The following NUDT6 variants were observed in gnomAD, a reference collection of about 807,000 sequenced individuals.
NUDT6 encodes nudix hydrolase 6.
A neutral mutation model predicts 36.8 loss-of-function variants in NUDT6; 24 were observed. That is an observed-to-expected ratio of 0.65 (90% CI 0.47 to 0.92). NUDT6 has a LOEUF of 0.92. NUDT6 is among the 40% of genes least tolerant of loss of function. The pLI, the probability that NUDT6 is intolerant of heterozygous loss-of-function variation, is 0.00. For synonymous variants in NUDT6, 163 were observed against 157.0 expected (o/e 1.04, Z -0.29); for missense variants, 388 against 392.8 (o/e 0.99, Z 0.10).
chr4:122,912,407 T>C (rs1727749141), intron 3 of NUDT6, among the ~76,000 whole-genome samples, 161 bp downstream of exon 3: 1 of 152,180 alleles, frequency 6.6e-6, no homozygotes, highest in Non-Finnish European at 1.5e-5. Context: ...GTATAAGTAG[T>C]TTGGTTTAAA....
intron 1 of NUDT6, chr4:122,922,079 T>C (rs762424716): frequency 2.5e-6 from 1 of 400,032 alleles, no homozygotes; most frequent in Non-Finnish European, 4.4e-6. Context: ...TGTCGCACAG[T>C]AGAAAGTGGA....
intron 2 of NUDT6, among the ~76,000 whole-genome samples, chr4:122,914,725 C>T (rs559889020): frequency 1.3e-5 from 2 of 152,200 alleles, no homozygotes; most frequent in South Asian, 4.2e-4. Flanking sequence ...ACTGAAACTT[C>T]TCTCTCAGAA....
At chr4:122,897,356 A>G (rs1476217) in intron 4 of NUDT6, 7 of 407,750 alleles carry the variant, frequency 1.7e-5, no homozygotes, top group Non-Finnish European at 2.6e-5. Flanking sequence ...AAAGCTTCTC[A>G]TTTTCAGACA....
intron 3 of NUDT6, among the ~76,000 whole-genome samples, chr4:122,905,504 T>G (rs1481027029): frequency 1.3e-5 from 2 of 152,228 alleles, no homozygotes; most frequent in Admixed American, 6.5e-5. Context: ...TGTGTATACA[T>G]GTTACACAGA....
chr4:122,894,698 A>T (rs1727297476), intron 4 of NUDT6: 1 of 152,258 alleles, frequency 6.6e-6, no homozygotes, highest in Non-Finnish European at 1.5e-5. Flanking sequence ...AATTGTATAA[A>T]ATATCCCCTA....
chr4:122,902,518 C>T (rs536402667), intron 3 of NUDT6, among the ~76,000 whole-genome samples: 5 of 152,238 alleles, frequency 3.3e-5, no homozygotes, highest in African/African-American at 1.2e-4. Context: ...AACACATCTC[C>T]ACCTTATATA....
intron 3 of NUDT6, among the ~76,000 whole-genome samples, chr4:122,907,408 T>C (rs535800117): frequency 6.6e-6 from 1 of 151,494 alleles, no homozygotes; most frequent in Non-Finnish European, 1.5e-5. Context: ...GTGCTGAGAT[T>C]ACAGGCACCA....
Position 122,912,576 on chromosome 4 carries a change from G to T in NUDT6, c.490C>A (p.Arg164=). The change falls in exon 3 of 5, where the codon CGA becomes AGA. Residue 164 remains arginine (R), a synonymous_variant. Coordinates refer to ENST00000304430, the MANE Select transcript of NUDT6 (RefSeq NM_007083.5). ...AAACAGAAGCAGCTTACTTTATTTC[G>T]ATCTTGTACAACCAGTATTTTTCTA... ...STRKILVVQD[R]NKLKNMWKFP... 6.3e-7 allele frequency: 1 copy of T among 1,590,468 alleles called. No individual in the cohort carries two copies. Among genetic ancestry groups the T allele is most frequent in the South Asian group, 1.1e-5 (1 of 90,156 alleles).
rs1187820668 is a variant in NUDT6 at position 122,922,316 on chromosome 4, T to C, written c.238+19A>G. ...AAAGCTCTGGAGCCCCGGGAGCCCT[T>C]CGTCCCAGGCGCACTTGCCCTGCAA... On this transcript the variant is annotated intron_variant, in intron 1 of 4. Transcript: ENST00000304430. The C allele has an allele frequency of 1.3e-6, 2 of 1,588,312 alleles. No individual in the cohort carries two copies. Among genetic ancestry groups the C allele is most frequent in the East Asian group, 4.5e-5 (2 of 44,472 alleles).
At chr4:122,912,697 T>G (rs1016895868) in intron 2 of NUDT6, 74 bp from the exon 3 acceptor site, 14 of 927,378 alleles carry the variant, frequency 1.5e-5, no homozygotes, top group Non-Finnish European at 2.2e-5. Flanking sequence ...ACACTCTCTA[T>G]CTGTGGTGAT....
At chr4:122,913,336 G>A (rs1204531137) in intron 2 of NUDT6, 1 of 152,086 alleles carries the variant, frequency 6.6e-6, no homozygotes, top group Non-Finnish European at 1.5e-5. Flanking sequence ...AGCTCCTGTA[G>A]GCCTCTTTCA....
At chr4:122,919,815 C>A (rs1727929191) in intron 1 of NUDT6, 1 of 152,250 alleles carries the variant, frequency 6.6e-6, no homozygotes, top group South Asian at 2.1e-4. Context: ...CTAATGATAT[C>A]TCTTCCATTA....
intron 3 of NUDT6, 133 bp downstream of exon 3, chr4:122,912,435 C>A: frequency 1.5e-6 from 1 of 675,300 alleles, no homozygotes; most frequent in Non-Finnish European, 2.6e-6. Flanking sequence ...CTAAGGTGAT[C>A]CATAACTGCT....
At chr4:122,893,264 C>T (rs1727245889) in intron 4 of NUDT6, 39 bp from the exon 5 acceptor site, 4 of 1,531,994 alleles carry the variant, frequency 2.6e-6, no homozygotes, top group Non-Finnish European at 3.5e-6. Flanking sequence ...ATAATAATTA[C>T]ACTTTTAGAA....
intron 2 of NUDT6, among the ~76,000 whole-genome samples, chr4:122,915,485 A>AAAAAAAAAAC (rs1727816136): frequency 5.4e-5 from 5 of 91,876 alleles, no homozygotes; most frequent in African/African-American, 1.4e-4. Context: ...AAAAAAAAAA[A>AAAAAAAAAAC]AAAAAAAAAA....
chr4:122,920,692 C>T (rs1288614952), intron 1 of NUDT6: 1 of 152,208 alleles, frequency 6.6e-6, no homozygotes, highest in Admixed American at 6.5e-5. Context: ...CTTTGATCAC[C>T]TGTTTGGTCA....
chr4:122,902,179 A>G (rs1727536484), intron 3 of NUDT6, among the ~76,000 whole-genome samples: 4 of 152,222 alleles, frequency 2.6e-5, no homozygotes, highest in Admixed American at 2.6e-4. Flanking sequence ...AAGTTTGTTC[A>G]TTCATTCAAT....
intron 3 of NUDT6, among the ~76,000 whole-genome samples, chr4:122,901,032 G>A (rs1420333586): frequency 6.6e-6 from 1 of 152,054 alleles, no homozygotes; most frequent in Non-Finnish European, 1.5e-5. Context: ...ATATCTCTAT[G>A]CCTCAAGTGT....
upstream of NUDT6, chr4:122,922,678 G>A (rs1156914189): frequency 3.1e-6 from 3 of 976,248 alleles, no homozygotes; most frequent in Non-Finnish European, 4.5e-6. Context: ...CCTCAGAGTT[G>A]AGCTGGGGTT....
Sources: gnomAD v4.1 joint callset for allele counts (sites outside exome capture counted in the v4.1 genomes callset) on GRCh38, gnomAD v4.1.1 for gene constraint, MANE v1.5 for transcripts, NCBI Gene and HGNC (gene_info 2026-07-23, HGNC 2026-07-21) for gene names.